Variants in ADK observed in about 807,000 individuals in gnomAD.
ADK encodes the protein N6,N6-dimethyladenosine kinase.
Under a neutral mutation model 44.7 loss-of-function variants are expected in ADK, and 24 were observed. The ratio of observed to expected loss-of-function variants is 0.54; its 90% CI spans 0.39 to 0.76. The LOEUF is 0.76. Among genes scored for constraint, ADK ranks in the 30% least tolerant of loss-of-function variants. The pLI is 0.00. For synonymous variants in ADK, 128 were observed against 142.6 expected (o/e 0.90, Z 0.73); for missense variants, 321 against 425.1 (o/e 0.76, Z 2.15).
chr10:74,181,949 G>C (rs1842573759), intron 1 of ADK, among the ~76,000 whole-genome samples: 1 of 152,144 alleles, frequency 6.6e-6, no homozygotes, highest in African/African-American at 2.4e-5. Context: ...CTGGGACTCT[G>C]GACATCACTG....
intron 4 of ADK, among the ~76,000 whole-genome samples, chr10:74,336,829 C>G (rs766649569): frequency 6.6e-6 from 1 of 152,064 alleles, no homozygotes; most frequent in Non-Finnish European, 1.5e-5. Flanking sequence ...ACTATAAATG[C>G]TAAGTAAATA....
At chr10:74,609,084 T>C (rs1852445394) in intron 9 of ADK, among the ~76,000 whole-genome samples, 1 of 152,110 alleles carries the variant, frequency 6.6e-6, no homozygotes, top group Non-Finnish European at 1.5e-5. Context: ...AGTCGCCCCT[T>C]CCCCCACCAA....
intron 3 of ADK, among the ~76,000 whole-genome samples, chr10:74,280,131 T>G (rs980690889): frequency 5.3e-5 from 8 of 152,110 alleles, no homozygotes; most frequent in African/African-American, 1.7e-4. Flanking sequence ...TTTAGTGATA[T>G]CTGTGTTTTT....
intron 7 of ADK, among the ~76,000 whole-genome samples, chr10:74,575,817 A>T (rs1851164628): frequency 6.6e-6 from 1 of 152,188 alleles, no homozygotes; most frequent in Non-Finnish European, 1.5e-5. Flanking sequence ...GTGTGCAAGG[A>T]TGCCTTCAAA....
intron 2 of ADK, among the ~76,000 whole-genome samples, chr10:74,210,780 GA>G (rs1008226454): frequency 7.7e-4 from 111 of 143,494 alleles, no homozygotes; most frequent in Middle Eastern, 3.7e-3. Flanking sequence ...CTTTGAAAGT[GA>G]AAAAAATATT....
At chr10:74,322,760 CT>C (rs1840861115) in intron 4 of ADK, among the ~76,000 whole-genome samples, 3 of 151,130 alleles carry the variant, frequency 2.0e-5, no homozygotes, top group Non-Finnish European at 4.4e-5. Context: ...CCCTTTACCC[CT>C]CCTCTCCCCT....
intron 6 of ADK, among the ~76,000 whole-genome samples, chr10:74,499,547 G>T (rs1387916247): frequency 6.6e-6 from 1 of 152,106 alleles, no homozygotes; most frequent in Non-Finnish European, 1.5e-5. Context: ...AATTAGCCAG[G>T]CGTGGTGGCG....
At chr10:74,423,489 A>C in intron 6 of ADK, 1 of 195,022 alleles carries the variant, frequency 5.1e-6, no homozygotes. Flanking sequence ...TCCGTACCTC[A>C]GTTTTGGCCT....
At chr10:74,628,590 C>T (rs1853301428) in intron 9 of ADK, among the ~76,000 whole-genome samples, 2 of 151,896 alleles carry the variant, frequency 1.3e-5, no homozygotes, top group African/African-American at 4.8e-5. Context: ...AACCAAACCA[C>T]TATGCATCCT....
At chr10:74,515,095 G>A (rs1848511170) in intron 6 of ADK, among the ~76,000 whole-genome samples, 2 of 152,092 alleles carry the variant, frequency 1.3e-5, no homozygotes, top group Admixed American at 1.3e-4. Context: ...TGCATCTGGT[G>A]GAAAAGTCAC....
At chr10:74,700,877 G>C (rs1035349553) in intron 10 of ADK, among the ~76,000 whole-genome samples, 28 of 152,006 alleles carry the variant, frequency 1.8e-4, no homozygotes, top group African/African-American at 6.5e-4. Context: ...GTAAGAAATG[G>C]GACTAAAACT....
chr10:74,347,367 A>C (rs1841812373), intron 4 of ADK, among the ~76,000 whole-genome samples: 1 of 151,958 alleles, frequency 6.6e-6, no homozygotes, highest in Non-Finnish European at 1.5e-5. Flanking sequence ...GGAAGCCATG[A>C]GGGACTGTGC....
chr10:74,453,624 T>C (rs945990782), intron 6 of ADK, among the ~76,000 whole-genome samples: 8 of 152,112 alleles, frequency 5.3e-5, no homozygotes, highest in Non-Finnish European at 1.0e-4. Context: ...CATCATTTTA[T>C]GATTATTTCC....
intron 8 of ADK, among the ~76,000 whole-genome samples, chr10:74,595,371 C>T (rs1325077058): frequency 3.3e-5 from 3 of 91,660 alleles, no homozygotes; most frequent in African/African-American, 4.4e-5. Flanking sequence ...TGAAAAATAC[C>T]TTTTTTTTTT....
Position 74,650,237 on chromosome 10 carries a change from T to G in ADK, c.878-19946T>G, listed in dbSNP as rs187227231. Among the ~76,000 whole-genome samples, 518 of 152,146 alleles carry G rather than the reference T, an allele frequency of 3.4e-3. 2 individuals carry two copies. Among genetic ancestry groups the G allele is most frequent in the Middle Eastern group, 6.8e-3 (2 of 294 alleles). Reference sequence around the variant, plus strand: ...GAGTTTGAGACCACCCTGGCCAACATGGTGAAACCCTGTCTCTACTAAAAA... The same window carrying G: ...GAGTTTGAGACCACCCTGGCCAACAGGGTGAAACCCTGTCTCTACTAAAAA... On this transcript the variant is annotated intron_variant, in intron 9 of 10. Transcript: ENST00000539909.
intron 7 of ADK, among the ~76,000 whole-genome samples, chr10:74,578,962 G>A (rs1193576818): frequency 1.3e-5 from 2 of 152,078 alleles, no homozygotes; most frequent in Non-Finnish European, 2.9e-5. Flanking sequence ...TTTGGTACAG[G>A]CTTATGGTGG....
intron 6 of ADK, among the ~76,000 whole-genome samples, chr10:74,407,777 T>G (rs1385628221): frequency 6.6e-6 from 1 of 152,216 alleles, no homozygotes; most frequent in East Asian, 1.9e-4. Context: ...TTTGAGTAAT[T>G]GTAGCGCTTA....
intron 7 of ADK, among the ~76,000 whole-genome samples, chr10:74,554,286 CCCT>C (rs1850155479): frequency 6.6e-6 from 1 of 152,244 alleles, no homozygotes; most frequent in Admixed American, 6.5e-5. Context: ...TCCTCTGCCT[CCCT>C]CCTCATTTGA....
At chr10:74,345,185 G>T (rs1009612450) in intron 4 of ADK, among the ~76,000 whole-genome samples, 1 of 151,994 alleles carries the variant, frequency 6.6e-6, no homozygotes, top group Non-Finnish European at 1.5e-5. Context: ...TTAGTCATTT[G>T]TGCCTTTCTA....
Sources: allele counts gnomAD v4.1 joint callset (sites outside exome capture counted in the v4.1 genomes callset), GRCh38; gene constraint gnomAD v4.1.1; transcripts MANE v1.5; gene names NCBI Gene and HGNC (gene_info 2026-07-23, HGNC 2026-07-21).